Variants in CD99L2 observed in about 807,000 individuals in gnomAD.
The protein encoded by CD99L2 is CD99 molecule like 2.
In CD99L2, 24 loss-of-function variants were observed where a neutral mutation model predicts 27.3. That is an observed-to-expected ratio of 0.88 (90% confidence interval 0.64 to 1.24). CD99L2 has a LOEUF of 1.24. Among genes scored for constraint, CD99L2 ranks in the 50% most tolerant of loss-of-function variants. CD99L2 has a pLI of 0.00. For synonymous variants in CD99L2, 97 were observed against 87.9 expected, an observed-to-expected ratio of 1.10 and a Z score of -0.58; for missense variants, 255 against 221.6, an observed-to-expected ratio of 1.15 and a Z score of -0.96.
chrX:150,824,707 G>GAAGAAGAA, intron 2 of CD99L2, among the ~76,000 whole-genome samples: 1 of 93,663 alleles, frequency 1.1e-5, no homozygotes, highest in Admixed American at 1.2e-4. Context: ...AAGAGGAAGA[G>GAAGAAGAA]GAAGAAGAAG....
intron 7 of CD99L2, among the ~76,000 whole-genome samples, chrX:150,788,390 T>C (rs1557419627): frequency 9.0e-6 from 1 of 111,651 alleles, no homozygotes; most frequent in Non-Finnish European, 1.9e-5. Context: ...ATGTTCTTGA[T>C]GGTTCTCTCT....
chrX:150,793,776 C>G lies in CD99L2; in HGVS notation c.431-20G>C. ...AAAAACCTGGAGAAAATAAAACATA[C>G]ATTTCAACAACAAGAAAAAAAAATC... On this transcript the variant is annotated intron_variant, in intron 6 of 10. Transcript: ENST00000370377. 1 of 1,140,530 alleles carries G rather than the reference C, an allele frequency of 8.8e-7. No homozygotes were observed. The highest frequency in any genetic ancestry group is 1.2e-6 in the Non-Finnish European group (1 of 847,788). 94.0% of individuals were successfully genotyped at this position (1,140,530 alleles called of 1,213,427 possible).
At chrX:150,801,805 A>G (rs1239012445) in intron 4 of CD99L2, among the ~76,000 whole-genome samples, 1 of 112,176 alleles carries the variant, frequency 8.9e-6, no homozygotes, top group Non-Finnish European at 1.9e-5. Context: ...TCAACAGGCC[A>G]AAGAAGACAA....
Position 150,790,687 on chromosome X carries a change from G to A in CD99L2, c.496+3004C>T, listed in dbSNP as rs189369317. Among the ~76,000 whole-genome samples the A allele has an allele frequency of 3.6e-4, 40 of 111,770 alleles. 1 individual carries two copies. The highest frequency in any genetic ancestry group is 1.2e-3 in the African/African-American group (38 of 30,799). ...ATGAATGACGGGTAGTAGGAGCTAG[G>A]TGTCTCACTGTCAGAGAGGAAAGTT... On this transcript the variant is annotated intron_variant, in intron 7 of 10. Transcript: ENST00000370377.
intron 7 of CD99L2, among the ~76,000 whole-genome samples, chrX:150,789,824 T>A (rs2045659467): frequency 8.9e-6 from 1 of 112,063 alleles, no homozygotes; most frequent in Non-Finnish European, 1.9e-5. Context: ...GGTCAATGCT[T>A]CAGTGAACTG....
In CD99L2 at chrX:150,860,560, T is replaced by C. The variant is rs150688518; in HGVS notation, c.68-29267A>G. Among the ~76,000 whole-genome samples the C allele has an allele frequency of 5.1e-3, 567 of 112,059 alleles. 7 individuals are homozygous for C. The highest frequency in any genetic ancestry group is 0.014 in the Middle Eastern group (3 of 216). On this transcript the variant is annotated intron_variant, in intron 1 of 10. Coordinates refer to ENST00000370377, the MANE Select transcript of CD99L2 (RefSeq NM_031462.4). Reference sequence around the variant, plus strand: ...CTTTGCAGATGACATATCTTACATTTAGAAACACTGAAAAACTTTACCAAA... The same window carrying C: ...CTTTGCAGATGACATATCTTACATTCAGAAACACTGAAAAACTTTACCAAA...
intron 1 of CD99L2, among the ~76,000 whole-genome samples, chrX:150,891,577 T>G (rs1457545212): frequency 8.9e-6 from 1 of 112,081 alleles, no homozygotes; most frequent in Admixed American, 9.5e-5. Context: ...ATTGGCGGCC[T>G]GAATTCCATC....
chrX:150,770,718 CCGTGTG>C (rs1354952809), intron 9 of CD99L2, among the ~76,000 whole-genome samples: 43 of 113,148 alleles, frequency 3.8e-4, no homozygotes, highest in African/African-American at 1.3e-3. Context: ...ATCCACAGGT[CCGTGTG>C]CGTGTGCGGC....
intron 7 of CD99L2, among the ~76,000 whole-genome samples, chrX:150,779,774 T>A (rs894127257): frequency 8.9e-6 from 1 of 111,930 alleles, no homozygotes; most frequent in Non-Finnish European, 1.9e-5. Flanking sequence ...AATTTAGGGG[T>A]AAGGAATTTC....
chrX:150,795,812 C>CA (rs1460752791), intron 4 of CD99L2, among the ~76,000 whole-genome samples: 3 of 111,767 alleles, frequency 2.7e-5, no homozygotes, highest in African/African-American at 9.8e-5. Flanking sequence ...GCTTGAGCTC[C>CA]AAGCCTTGGT....
At chrX:150,877,551 G>A in intron 1 of CD99L2, among the ~76,000 whole-genome samples, 1 of 112,322 alleles carries the variant, frequency 8.9e-6, no homozygotes, top group South Asian at 3.7e-4. Flanking sequence ...GCCAGGCATG[G>A]TGGCTCATAC....
chrX:150,870,871 C>A (rs781961633), intron 1 of CD99L2, among the ~76,000 whole-genome samples: 9 of 110,286 alleles, frequency 8.2e-5, no homozygotes, highest in Non-Finnish European at 1.5e-4. Flanking sequence ...AAGGGACAAG[C>A]AGAACTGTGC....
chrX:150,879,783 G>A (rs57496332), intron 1 of CD99L2, among the ~76,000 whole-genome samples: 4,502 of 87,457 alleles, frequency 0.051, 184 homozygotes, highest in South Asian at 0.11. Context: ...AAAAAAGCTC[G>A]GCATGGTGGT....
chrX:150,811,008 C>T (rs782214625), intron 4 of CD99L2, among the ~76,000 whole-genome samples: 2 of 111,669 alleles, frequency 1.8e-5, no homozygotes, highest in Non-Finnish European at 3.8e-5. Context: ...TGGATACCAG[C>T]CTAGGCAACA....
intron 2 of CD99L2, among the ~76,000 whole-genome samples, chrX:150,827,546 G>C (rs939969150): frequency 8.0e-5 from 9 of 111,960 alleles, no homozygotes; most frequent in Non-Finnish European, 1.7e-4. Context: ...CAAATTTATT[G>C]AAAGTCTATT....
At chrX:150,786,305 G>C (rs990687190) in intron 7 of CD99L2, among the ~76,000 whole-genome samples, 1 of 110,546 alleles carries the variant, frequency 9.0e-6, no homozygotes, top group African/African-American at 3.3e-5. Flanking sequence ...TTGTTGTACA[G>C]ATTATTTCAT....
At chrX:150,879,159 T>C (rs2047281320) in intron 1 of CD99L2, among the ~76,000 whole-genome samples, 1 of 111,402 alleles carries the variant, frequency 9.0e-6, no homozygotes, top group African/African-American at 3.3e-5. Flanking sequence ...AACCTTCCAG[T>C]AGACAAGAGG....
intron 4 of CD99L2, among the ~76,000 whole-genome samples, chrX:150,807,538 G>C (rs1190161231): frequency 1.8e-5 from 2 of 112,304 alleles, no homozygotes; most frequent in Non-Finnish European, 3.8e-5. Context: ...CAAACAATGA[G>C]GGGAAAGGCC....
intron 4 of CD99L2, among the ~76,000 whole-genome samples, chrX:150,807,194 T>C (rs2046008029): frequency 1.8e-5 from 2 of 111,074 alleles, no homozygotes; most frequent in African/African-American, 6.6e-5. Context: ...TTCTAGATTT[T>C]TTAATCTAAT....
Sources: gnomAD v4.1 joint callset for allele counts (sites outside exome capture counted in the v4.1 genomes callset) on GRCh38, gnomAD v4.1.1 for gene constraint, MANE v1.5 for transcripts, NCBI Gene and HGNC (gene_info 2026-07-23, HGNC 2026-07-21) for gene names.